Variants in MBNL1 observed in about 807,000 individuals in gnomAD.
MBNL1 encodes muscleblind-like protein 1.
Under a neutral mutation model 42.2 loss-of-function variants are expected in MBNL1, and 8 were observed. That is an observed-to-expected ratio of 0.19 (90% CI 0.11 to 0.34). MBNL1 has a LOEUF of 0.34. Among genes scored for constraint, MBNL1 ranks in the 10% least tolerant of loss-of-function variants. The pLI is 1.00. For missense variants in MBNL1, 309 were observed against 495.3 expected, an observed-to-expected ratio of 0.62 and a Z score of 3.57; for synonymous variants, 169 against 173.9, an observed-to-expected ratio of 0.97 and a Z score of 0.22.
intron 1 of MBNL1, among the ~76,000 whole-genome samples, chr3:152,280,854 T>C (rs1471132730): frequency 2.6e-5 from 4 of 152,138 alleles, no homozygotes; most frequent in Non-Finnish European, 1.5e-5. Flanking sequence ...GTTTAGAAAA[T>C]TCAGGATTTT....
intron 4 of MBNL1, among the ~76,000 whole-genome samples, chr3:152,441,317 T>G (rs2099142889): frequency 6.6e-6 from 1 of 152,164 alleles, no homozygotes; most frequent in Admixed American, 6.5e-5. Context: ...TATTAAAAAA[T>G]TAGAGATCAA....
chr3:152,319,162 C>G (rs2074474097), intron 2 of MBNL1, among the ~76,000 whole-genome samples: 1 of 151,968 alleles, frequency 6.6e-6, no homozygotes, highest in Non-Finnish European at 1.5e-5. Context: ...CACGGAAAAC[C>G]TTTTTTTGGG....
intron 2 of MBNL1, among the ~76,000 whole-genome samples, chr3:152,410,386 A>G (rs2098539067): frequency 6.6e-6 from 1 of 152,250 alleles, no homozygotes; most frequent in South Asian, 2.1e-4. Context: ...TTTTAAGACT[A>G]CAAGGGGGAA....
At chr3:152,442,451 GA>G (rs2099157315) in intron 4 of MBNL1, among the ~76,000 whole-genome samples, 2 of 152,166 alleles carry the variant, frequency 1.3e-5, no homozygotes, top group South Asian at 4.1e-4. Flanking sequence ...GATGAGAAGA[GA>G]AAAATGAACC....
chr3:152,427,456 G>C (rs943679379), intron 3 of MBNL1, among the ~76,000 whole-genome samples: 3 of 152,002 alleles, frequency 2.0e-5, no homozygotes, highest in Non-Finnish European at 4.4e-5. Flanking sequence ...TGGTGCAGTC[G>C]TAGCATACTG....
chr3:152,294,802 G>A (rs926608592), intron 1 of MBNL1, among the ~76,000 whole-genome samples: 3 of 152,084 alleles, frequency 2.0e-5, no homozygotes, highest in Non-Finnish European at 2.9e-5. Context: ...ATATCTATCT[G>A]TAGAACAAAA....
intron 2 of MBNL1, chr3:152,341,111 A>G: frequency 1.8e-6 from 1 of 559,664 alleles, no homozygotes; most frequent in African/African-American, 1.9e-5. Context: ...ACTAAATGAA[A>G]TGTTTTGAAG....
chr3:152,303,522 CCCT>C (rs1379464907), intron 2 of MBNL1, among the ~76,000 whole-genome samples: 1 of 151,922 alleles, frequency 6.6e-6, no homozygotes. Flanking sequence ...GATTATGTTC[CCCT>C]ATGGCTTGTG....
At chr3:152,400,738 T>C (rs1027020957) in intron 2 of MBNL1, among the ~76,000 whole-genome samples, 5 of 152,196 alleles carry the variant, frequency 3.3e-5, no homozygotes, top group Non-Finnish European at 7.3e-5. Flanking sequence ...CCATTGCACT[T>C]GAGTGCCCTT....
At chr3:152,282,933 G>A (rs2049336030) in intron 1 of MBNL1, among the ~76,000 whole-genome samples, 1 of 152,204 alleles carries the variant, frequency 6.6e-6, no homozygotes, top group African/African-American at 2.4e-5. Context: ...GGCCAGTACA[G>A]GAGGCTCCAG....
chr3:152,376,393 C>A (rs976318137), intron 2 of MBNL1, among the ~76,000 whole-genome samples: 1 of 152,098 alleles, frequency 6.6e-6, no homozygotes, highest in Admixed American at 6.6e-5. Flanking sequence ...TTGTTTTAAT[C>A]TTTTGTCTAA....
intron 5 of MBNL1, among the ~76,000 whole-genome samples, chr3:152,446,243 T>C (rs1215464451): frequency 1.3e-5 from 2 of 152,128 alleles, no homozygotes; most frequent in African/African-American, 4.8e-5. Flanking sequence ...GTTCTTTGCT[T>C]ACCTGTTTTA....
At position 152,415,001 on chromosome 3, in the gene MBNL1, T is replaced by C. The variant is rs2098672900; in HGVS notation, c.235T>C (p.Leu79=). 1 of 1,608,908 alleles carries C rather than the reference T, an allele frequency of 6.2e-7. No individual in the cohort carries two copies. ...LHPPPHLKTQ[L]EINGRNNLIQ... ...TCCACCCCCACATTTAAAAACGCAGTTGGAGATAAATGGACGCAATAACTT... is the reference window on the plus strand; with the variant it reads ...TCCACCCCCACATTTAAAAACGCAGCTGGAGATAAATGGACGCAATAACTT... Residue 79 remains leucine, a synonymous_variant, in exon 3 of 10, where the codon TTG becomes CTG. Coordinates refer to ENST00000324210, the MANE Select transcript of MBNL1 (RefSeq NM_021038.5).
intron 2 of MBNL1, among the ~76,000 whole-genome samples, chr3:152,391,440 G>A (rs1469699807): frequency 2.0e-5 from 3 of 152,016 alleles, no homozygotes; most frequent in Non-Finnish European, 2.9e-5. Flanking sequence ...CTATGTTTTC[G>A]TTTTTTCTTC....
At chr3:152,411,747 A>G (rs766296361) in intron 2 of MBNL1, among the ~76,000 whole-genome samples, 3 of 152,184 alleles carry the variant, frequency 2.0e-5, no homozygotes, top group Non-Finnish European at 4.4e-5. Flanking sequence ...GAAACATTGA[A>G]TGTCTATACA....
intron 2 of MBNL1, among the ~76,000 whole-genome samples, chr3:152,262,047 T>C (rs901934760): frequency 2.0e-5 from 3 of 152,116 alleles, no homozygotes; most frequent in African/African-American, 7.2e-5. Context: ...CTCACGTCTG[T>C]CCCCAACCGC....
At chr3:152,288,511 T>C (rs1034192428) in intron 1 of MBNL1, among the ~76,000 whole-genome samples, 3 of 152,172 alleles carry the variant, frequency 2.0e-5, no homozygotes, top group African/African-American at 7.2e-5. Context: ...ACCATTTCCT[T>C]TAATCAGTTA....
upstream of MBNL1, chr3:152,263,556 G>A (rs1016511603): frequency 6.6e-6 from 1 of 152,122 alleles, no homozygotes; most frequent in African/African-American, 2.4e-5. Flanking sequence ...TTCCGCTGCT[G>A]GGTCCCCAGC....
intron 7 of MBNL1, 129 bp from the exon 8 acceptor site, chr3:152,456,138 T>TGATGATGTCCTGTCACATGGCTTATGA: frequency 1.5e-6 from 1 of 674,838 alleles, no homozygotes. Context: ...CACTCGCTGG[T>TGATGATGTCCTGTCACATGGCTTATGA]GATGATGTCC....
Sources: gnomAD v4.1 joint callset for allele counts (sites outside exome capture counted in the v4.1 genomes callset) on GRCh38, gnomAD v4.1.1 for gene constraint, MANE v1.5 for transcripts, NCBI Gene and HGNC (gene_info 2026-07-23, HGNC 2026-07-21) for gene names.